The following GPR137B variants were observed in gnomAD, a reference collection of about 807,000 sequenced individuals.
GPR137B encodes G protein-coupled receptor 137B.
Under a neutral mutation model 42.5 loss-of-function variants are expected in GPR137B, and 42 were observed. That is an observed-to-expected ratio of 0.99 (90% CI 0.77 to 1.28). The LOEUF (loss-of-function observed/expected upper bound fraction) is 1.28. Ranked by LOEUF, GPR137B falls within the 50% of genes most tolerant of loss-of-function variation. GPR137B has a pLI of 0.00. For missense variants in GPR137B, 487 were observed against 493.9 expected (o/e 0.99, Z 0.13); for synonymous variants, 218 against 209.7 (o/e 1.04, Z -0.34).
At chr1:236,200,632 T>G (rs1371406793) in intron 5 of GPR137B, among the ~76,000 whole-genome samples, 2 of 152,072 alleles carry the variant, frequency 1.3e-5, no homozygotes, top group Non-Finnish European at 2.9e-5. Context: ...TGCTTTAAAG[T>G]CTATTTTGTC....
At chr1:236,193,672 T>C (rs952065661) in intron 5 of GPR137B, among the ~76,000 whole-genome samples, 1 of 152,256 alleles carries the variant, frequency 6.6e-6, no homozygotes, top group African/African-American at 2.4e-5. Context: ...ATATCCTCTT[T>C]GGAGAAATGT....
rs577523833 is a variant in GPR137B at position 236,147,110 on chromosome 1, A to G, written c.414+4074A>G. The stretch of plus-strand genomic sequence containing the variant: ...AGGCGTGAGCCACTGTGCCTGGCCC[A>G]TACTCCTTTATTAAATCTTTACGTC... On this transcript the variant is annotated intron_variant, in intron 1 of 6. Coordinates refer to ENST00000366592, the MANE Select transcript of GPR137B (RefSeq NM_003272.4). Among the ~76,000 whole-genome samples the G allele has an allele frequency of 6.6e-5, 10 of 152,258 alleles. No homozygotes were observed. The South Asian group carries it at 1.9e-3, about 28-fold the overall frequency.
chr1:236,193,635 C>G (rs1409330138), intron 5 of GPR137B, among the ~76,000 whole-genome samples: 1 of 152,144 alleles, frequency 6.6e-6, no homozygotes, highest in Non-Finnish European at 1.5e-5. Flanking sequence ...TGTCGAGGAT[C>G]TTTTTGTGTG....
At chr1:236,188,349 C>T (rs577888257) in intron 5 of GPR137B, among the ~76,000 whole-genome samples, 3 of 152,252 alleles carry the variant, frequency 2.0e-5, no homozygotes, top group Non-Finnish European at 4.4e-5. Flanking sequence ...CCAGAACTTC[C>T]AATACTATGT....
rs1661558479 is a variant in GPR137B at position 236,142,748 on chromosome 1, GC to G, written c.127del (p.Gly44AlafsTer88). On this transcript the variant is annotated frameshift_variant, in exon 1 of 7. Transcript: ENST00000366592. LOFTEE classifies it high-confidence loss of function. ...LTPAVPPYVKLGLTVVYTVFY... is the reference protein window; with the variant it reads ...LTPAVPPYVKXGLTVVYTVFY... ...CCCCGGCCGTGCCCCCCTACGTGAA[GC>G]TTGGCCTCACCGTCGTCTACACCGT... The G allele has an allele frequency of 6.2e-7, 1 of 1,609,652 alleles. No individual in the cohort carries two copies. The highest frequency in any genetic ancestry group is 1.3e-5 in the African/African-American group (1 of 74,092).
At position 236,178,785 on chromosome 1, in the gene GPR137B, GTTT is replaced by G. The variant is rs3082534; in HGVS notation, c.687+177_687+179del. The G allele has an allele frequency of 5.0e-3, 249 of 49,396 alleles. 1 individual carries two copies. Among genetic ancestry groups the G allele is most frequent in the South Asian group, 0.02 (66 of 3,352 alleles). 3.1% of individuals were successfully genotyped at this position (49,396 alleles called of 1,614,324 possible). On this transcript the variant is annotated intron_variant, in intron 3 of 6. Transcript: ENST00000366592. ...GTCTCCCACACAGGGGCTACTCGAG[GTTT>G]TTTTTTTTTTTTTTTTTTTTTTTTT...
chr1:236,173,822 G>A (rs75068115), intron 2 of GPR137B, among the ~76,000 whole-genome samples: 2 of 151,904 alleles, frequency 1.3e-5, no homozygotes, highest in African/African-American at 2.4e-5. Context: ...AAACTCTCTC[G>A]CCACACCTCC....
chr1:236,183,962 C>T lies in GPR137B; in HGVS notation c.966+56C>T, dbSNP rs537905884. On this transcript the variant is annotated intron_variant, in intron 5 of 6. Transcript: ENST00000366592. ...ATGTCTCCTAATTCTGATCATGGAA[C>T]CTGCAATTAGAACTTTTTCTTCATT... The T allele has an allele frequency of 5.6e-6, 7 of 1,240,826 alleles. No individual in the cohort carries two copies. The African/African-American group carries it at 6.2e-5, about 11-fold the overall frequency. The allele number at this position is 1,240,826 out of a possible 1,614,324, so 76.9% of individuals were successfully genotyped here.
intron 5 of GPR137B, among the ~76,000 whole-genome samples, chr1:236,185,390 G>A (rs185606158): frequency 1.3e-5 from 2 of 152,254 alleles, no homozygotes; most frequent in African/African-American, 2.4e-5. Flanking sequence ...CTCAAAGTGC[G>A]GCTCTTTACC....
intron 5 of GPR137B, among the ~76,000 whole-genome samples, chr1:236,197,341 G>A (rs891092778): frequency 6.6e-6 from 1 of 152,032 alleles, no homozygotes; most frequent in East Asian, 1.9e-4. Flanking sequence ...TGACTTGTCT[G>A]TTTACTCTGC....
At chr1:236,172,664 A>G (rs527586691) in intron 2 of GPR137B, among the ~76,000 whole-genome samples, 3 of 151,944 alleles carry the variant, frequency 2.0e-5, no homozygotes, top group Non-Finnish European at 4.4e-5. Flanking sequence ...AAATAAGTAA[A>G]AAATACAGTG....
intron 5 of GPR137B, among the ~76,000 whole-genome samples, chr1:236,191,569 A>G (rs1414835099): frequency 6.6e-6 from 1 of 152,120 alleles, no homozygotes; most frequent in Non-Finnish European, 1.5e-5. Flanking sequence ...TTTTCCTTCT[A>G]ACAGTCGGAC....
rs576519600 is a variant in GPR137B, at chr1:236,179,412, C to T, written c.688-467C>T. ...CCGAGTCCAAAGTCACATTAGGGCTCCTGTATTCCCGGCCTCAAAGATTCC... is the reference window on the plus strand; with the variant it reads ...CCGAGTCCAAAGTCACATTAGGGCTTCTGTATTCCCGGCCTCAAAGATTCC... On this transcript the variant is annotated intron_variant, in intron 3 of 6. Coordinates refer to ENST00000366592, the MANE Select transcript of GPR137B (RefSeq NM_003272.4). 3.0e-4 allele frequency among the ~76,000 whole-genome samples: 45 copies of T among 152,218 alleles called. No individual in the cohort carries two copies. The South Asian group carries it at 9.4e-3, about 32-fold the overall frequency.
chr1:236,178,656 A>G lies in GPR137B; in HGVS notation c.687+20A>G, dbSNP rs1179060922. The G allele has an allele frequency of 7.1e-7, 1 of 1,417,966 alleles. No individual in the cohort carries two copies. The highest frequency in any genetic ancestry group is 1.4e-5 in the African/African-American group (1 of 71,180). The allele number at this position is 1,417,966 out of a possible 1,614,324, so 87.8% of individuals were successfully genotyped here. A position where few individuals can be genotyped will look rare whatever the true frequency, so the allele number is the denominator to read the frequency against. On this transcript the variant is annotated intron_variant, in intron 3 of 6. Coordinates refer to ENST00000366592, the MANE Select transcript of GPR137B (RefSeq NM_003272.4). Reference sequence around the variant, plus strand: ...TCCAAGGTAGGTGGAAATGTGGTCAAGATCCCTCCCATGAAACGTGTTCTA... The same window carrying G: ...TCCAAGGTAGGTGGAAATGTGGTCAGGATCCCTCCCATGAAACGTGTTCTA...
intron 5 of GPR137B, among the ~76,000 whole-genome samples, chr1:236,192,224 C>T (rs563967817): frequency 2.8e-4 from 42 of 152,242 alleles, no homozygotes; most frequent in African/African-American, 8.9e-4. Flanking sequence ...GTGCTGGCAG[C>T]GAGGATTTCA....
intron 4 of GPR137B, among the ~76,000 whole-genome samples, chr1:236,182,646 G>T (rs1018566895): frequency 6.6e-6 from 1 of 152,018 alleles, no homozygotes; most frequent in Non-Finnish European, 1.5e-5. Flanking sequence ...TGCTTGGAGG[G>T]ATCACTTGAG....
chr1:236,199,065 A>G (rs1434865985), intron 5 of GPR137B, among the ~76,000 whole-genome samples: 1 of 152,132 alleles, frequency 6.6e-6, no homozygotes, highest in African/African-American at 2.4e-5. Flanking sequence ...ATCTTGATGT[A>G]TGTCCCTTCT....
intron 6 of GPR137B, among the ~76,000 whole-genome samples, chr1:236,205,994 G>A (rs1663649559): frequency 6.6e-6 from 1 of 152,192 alleles, no homozygotes; most frequent in Non-Finnish European, 1.5e-5. Context: ...AGTAAATGCA[G>A]TAGTATTTAT....
chr1:236,148,578 C>T (rs910834615), intron 1 of GPR137B, among the ~76,000 whole-genome samples: 5 of 152,170 alleles, frequency 3.3e-5, no homozygotes, highest in Non-Finnish European at 5.9e-5. Context: ...AGACCTGAGA[C>T]GTCACCATGC....
Sources: gnomAD v4.1 joint callset for allele counts (sites outside exome capture counted in the v4.1 genomes callset) on GRCh38, gnomAD v4.1.1 for gene constraint, MANE v1.5 for transcripts, NCBI Gene and HGNC (gene_info 2026-07-23, HGNC 2026-07-21) for gene names.